TSC2: variants seen among roughly 807,000 people sequenced by gnomAD.
TSC2 encodes the protein tuberin.
TSC2 carries 29 observed loss-of-function variants against 202.2 expected under a neutral mutation model. That is an observed-to-expected ratio of 0.14 (90% CI 0.11 to 0.20). The LOEUF is 0.20. Among genes scored for constraint, TSC2 ranks in the 10% least tolerant of loss-of-function variants. TSC2 has a pLI of 1.00. For synonymous variants in TSC2, 1,349 were observed against 1,044.0 expected, an observed-to-expected ratio of 1.29 and a Z score of -5.63; for missense variants, 2,429 against 2,420.0, an observed-to-expected ratio of 1.00 and a Z score of -0.08.
intron 14 of TSC2, 70 bp downstream of exon 14, chr16:2,063,123 C>T: frequency 3.3e-6 from 5 of 1,519,184 alleles, no homozygotes; most frequent in South Asian, 2.4e-5. Flanking sequence ...CTCTGTTGTG[C>T]ACGTGCTCCC....
rs1468287623 is a variant in TSC2 at position 2,062,510 on chromosome 16, T to C, written c.1271T>C (p.Leu424Pro). The part of the protein sequence containing the change: ...CADQRPESSL[L>P]NLISYRAQSI... ...TTCTTTTGACAGGAGTCCTCCCTCCTGAACCTGATCTCCTATAGAGCGCAG... is the reference window on the plus strand; with the variant it reads ...TTCTTTTGACAGGAGTCCTCCCTCCCGAACCTGATCTCCTATAGAGCGCAG... The change falls in exon 13 of 42, where the codon CTG becomes CCG. Residue 424 changes from leucine to proline, a missense_variant. By Grantham distance (98) the Leu-to-Pro change is moderately conservative. Coordinates refer to ENST00000219476, the MANE Select transcript of TSC2 (RefSeq NM_000548.5). The C allele has an allele frequency of 6.2e-7, 1 of 1,611,050 alleles. No individual in the cohort carries two copies. Among genetic ancestry groups the C allele is most frequent in the East Asian group, 2.2e-5 (1 of 44,862 alleles).
In TSC2 at chr16:2,086,841, C is replaced by T. The variant is rs45517384; in HGVS notation, c.4959C>T (p.Ser1653=). 19,154 of 1,603,860 alleles carry T rather than the reference C, an allele frequency of 0.012. 158 individuals are homozygous for T. Among genetic ancestry groups the T allele is most frequent in the Non-Finnish European group, 0.014 (16,459 of 1,176,028 alleles). The part of the protein sequence containing the change: ...NDFVSIVYND[S]GEDFKLGTIK... ...TTGTGTCCATTGTCTACAATGACTCCGGTGAGGACTTCAAGCTTGGCACCA... is the reference window on the plus strand; with the variant it reads ...TTGTGTCCATTGTCTACAATGACTCTGGTGAGGACTTCAAGCTTGGCACCA... The change falls in exon 38 of 42, where the codon TCC becomes TCT. Residue 1653 remains serine (S), a synonymous_variant. Transcript: ENST00000219476.
At position 2,075,013 on chromosome 16, in the gene TSC2, C is replaced by T. The variant is rs374484856; in HGVS notation, c.2545+624C>T. 5.1e-4 allele frequency: 82 copies of T among 159,528 alleles called. No homozygotes were observed. In the East Asian group the frequency reaches 6.3e-3, roughly 12 times the overall value. 9.9% of individuals were successfully genotyped at this position (159,528 alleles called of 1,614,324 possible). A position where few individuals can be genotyped will look rare whatever the true frequency, so the allele number is the denominator to read the frequency against. On this transcript the variant is annotated intron_variant, in intron 22 of 41. Transcript: ENST00000219476. ...GGTGGATCACCTGAGGTCAGGAGTT[C>T]GAGACCAGCCTGGCCAACCTGGCGA...
chr16:2,061,569 T>C (rs1390723796), intron 11 of TSC2: 1 of 455,916 alleles, frequency 2.2e-6, no homozygotes, highest in Non-Finnish European at 4.1e-6. Flanking sequence ...CAAGATTCCT[T>C]GGGGGGTGGG....
intron 16 of TSC2, 121 bp from the exon 17 acceptor site, chr16:2,070,335 G>T (rs1275330311): frequency 6.5e-7 from 1 of 1,548,168 alleles, no homozygotes; most frequent in Non-Finnish European, 8.8e-7. Flanking sequence ...TTTGAAGGTC[G>T]TGTGTTTTGA....
intron 16 of TSC2, among the ~76,000 whole-genome samples, chr16:2,069,923 C>T (rs904297923): frequency 8.5e-5 from 13 of 152,158 alleles, no homozygotes; most frequent in African/African-American, 2.4e-5. Flanking sequence ...TCAGTCATTT[C>T]TTTCAATGAT....
In TSC2 at chr16:2,084,490, T is replaced by C. The variant is rs1567523138; in HGVS notation, c.4268T>C (p.Leu1423Pro). ...EVKARSQSGT[L>P]DGESAAWSAS... ...AAGGCCCGGTCACAGTCAGGGACCC[T>C]GGACGGGGAAAGTGCTGCCTGGTCG... is the stretch of plus-strand genomic sequence containing the variant. The change falls in exon 34 of 42, where the codon CTG (leucine) becomes CCG (proline). Residue 1423 changes from leucine (L) to proline (P), a missense_variant. By Grantham distance (98) the Leu-to-Pro change is moderately conservative. Transcript: ENST00000219476. 1 of 1,609,304 alleles carries C rather than the reference T, an allele frequency of 6.2e-7. No individual in the cohort carries two copies. Among genetic ancestry groups the C allele is most frequent in the Non-Finnish European group, 8.5e-7 (1 of 1,178,664 alleles).
At chr16:2,067,726 C>T (rs770221713) in intron 16 of TSC2, among the ~76,000 whole-genome samples, 25 of 152,302 alleles carry the variant, frequency 1.6e-4, no homozygotes, top group Admixed American at 3.3e-4. Context: ...GCCCAGATCA[C>T]GCCATTGCAC....
intron 16 of TSC2, 133 bp from the exon 17 acceptor site, chr16:2,070,323 G>A (rs1427709244): frequency 3.4e-6 from 5 of 1,485,178 alleles, no homozygotes; most frequent in Non-Finnish European, 4.6e-6. Context: ...GGTGGTCCTG[G>A]GTTTGAAGGT....
rs1312563561 is a variant in TSC2 at position 2,064,941 on chromosome 16, C to T, written c.1599+514C>T. ...CCAGCCTGGCCAACATGGTGAAATCCTGTCTCTACTAAAAATATAAAAATT... is the reference window on the plus strand; with the variant it reads ...CCAGCCTGGCCAACATGGTGAAATCTTGTCTCTACTAAAAATATAAAAATT... On this transcript the variant is annotated intron_variant, in intron 15 of 41. Coordinates refer to ENST00000219476, the MANE Select transcript of TSC2 (RefSeq NM_000548.5). 4 of 204,214 alleles carry T rather than the reference C, an allele frequency of 2.0e-5. No homozygotes were observed. The East Asian group carries it at 4.8e-4, about 25-fold the overall frequency. The allele number at this position is 204,214 out of a possible 1,614,324, so 12.7% of individuals were successfully genotyped here. A position where few individuals can be genotyped will look rare whatever the true frequency, so the allele number is the denominator to read the frequency against.
intron 11 of TSC2, chr16:2,061,359 C>G: frequency 3.4e-6 from 1 of 292,610 alleles, no homozygotes. Flanking sequence ...TTCGCCGGGA[C>G]TTAGCAGGGA....
At position 2,079,982 on chromosome 16, in the gene TSC2, TC is replaced by T. The variant is rs1278713873; in HGVS notation, c.3398-180del. Among the ~76,000 whole-genome samples the T allele has an allele frequency of 1.3e-5, 2 of 152,182 alleles. No homozygotes were observed. Among genetic ancestry groups the T allele is most frequent in the Non-Finnish European group, 2.9e-5 (2 of 68,014 alleles). ...GACTGCAGGACAGGTTCTGGGTCCC[TC>T]CCTGTGGCCCTGGGTTCACTGAGGC... On this transcript the variant is annotated intron_variant, in intron 29 of 41. Transcript: ENST00000219476. The surrounding 1 kb of genome is among the most constrained non-coding windows in gnomAD (Gnocchi z 4.6).
At chr16:2,069,017 GCT>G (rs2087815197) in intron 16 of TSC2, among the ~76,000 whole-genome samples, 1 of 152,142 alleles carries the variant, frequency 6.6e-6, no homozygotes, top group Non-Finnish European at 1.5e-5. Context: ...ACATGGTCTT[GCT>G]CTCTCGGGTG....
At chr16:2,088,182 C>A (rs45517402) in intron 40 of TSC2, 43 bp downstream of exon 40, 2 of 1,612,926 alleles carry the variant, frequency 1.2e-6, no homozygotes, top group Non-Finnish European at 1.7e-6. Flanking sequence ...GGGACAGGCC[C>A]AGGTGCCACC....
chr16:2,080,520 G>T, intron 30 of TSC2, 143 bp downstream of exon 30: 1 of 977,706 alleles, frequency 1.0e-6, no homozygotes, highest in Non-Finnish European at 1.5e-6. Flanking sequence ...GTCTTGCTCT[G>T]TGGCCCACGC....
At chr16:2,053,827 T>A (rs890616709) in intron 4 of TSC2, 14 of 506,652 alleles carry the variant, frequency 2.8e-5, no homozygotes, top group African/African-American at 2.7e-4. Flanking sequence ...TCTGTGCTGG[T>A]CTTGGCTGAC....
rs1253628641 is a variant in TSC2 at position 2,080,395 on chromosome 16, C to T, written c.3610+18C>T. The T allele has an allele frequency of 1.2e-6, 2 of 1,608,446 alleles. No individual in the cohort carries two copies. The highest frequency in any genetic ancestry group is 1.7e-5 in the Admixed American group (1 of 59,952). On this transcript the variant is annotated intron_variant, in intron 30 of 41. Transcript: ENST00000219476. ...GCCCACAGGTACTGGGCGGGGCTGG[C>T]CTGAGCGCCATCTTTCTGCCAGTCA...
intron 21 of TSC2, 62 bp from the exon 22 acceptor site, chr16:2,074,138 G>T (rs1281476929): frequency 3.1e-6 from 5 of 1,602,378 alleles, no homozygotes; most frequent in Non-Finnish European, 4.2e-6. Flanking sequence ...AGGTTGGCGA[G>T]GGGTAGGCGA....
At chr16:2,073,325 G>A (rs1004706926) in intron 21 of TSC2, among the ~76,000 whole-genome samples, 6 of 152,152 alleles carry the variant, frequency 3.9e-5, no homozygotes, top group South Asian at 2.1e-4. Flanking sequence ...GCGCAGGGTG[G>A]GCAGGCCAGA....
Sources: gnomAD v4.1 joint callset for allele counts (sites outside exome capture counted in the v4.1 genomes callset) on GRCh38, gnomAD v4.1.1 for gene constraint, Gnocchi (gnomAD v3.1) non-coding constraint, MANE v1.5 for transcripts, NCBI Gene and HGNC (gene_info 2026-07-23, HGNC 2026-07-21) for gene names.